Variants in ARPC2 observed in about 807,000 individuals in gnomAD.
ARPC2 encodes the protein actin related protein 2/3 complex subunit 2.
Under a neutral mutation model 38.6 loss-of-function variants are expected in ARPC2, and 4 were observed. That is an observed-to-expected ratio of 0.10 (90% confidence interval 0.05 to 0.24). ARPC2 has a LOEUF of 0.24. Among genes scored for constraint, ARPC2 ranks in the 10% least tolerant of loss-of-function variants. ARPC2 has a pLI of 1.00. For synonymous variants in ARPC2, 125 were observed against 140.8 expected (o/e 0.89, Z 0.79); for missense variants, 229 against 387.3 (o/e 0.59, Z 3.43).
intron 5 of ARPC2, chr2:218,235,642 CAA>C (rs1483187918): frequency 6.6e-6 from 1 of 152,118 alleles, no homozygotes; most frequent in Non-Finnish European, 1.5e-5. Flanking sequence ...AAATCATGTC[CAA>C]AGTCTTGGGC....
intron 3 of ARPC2, chr2:218,227,011 G>C (rs1053446939): frequency 9.9e-5 from 45 of 456,480 alleles, no homozygotes; most frequent in Non-Finnish European, 1.9e-4. Context: ...TGAACTCAGA[G>C]GAATACAACC....
At chr2:218,247,416 A>G (rs1167636347) in intron 8 of ARPC2, among the ~76,000 whole-genome samples, 1 of 152,210 alleles carries the variant, frequency 6.6e-6, no homozygotes, top group African/African-American at 2.4e-5. Flanking sequence ...GTAAAGGTGA[A>G]CCTGTTTATT....
intron 7 of ARPC2, among the ~76,000 whole-genome samples, chr2:218,244,310 A>G (rs6436048): frequency 0.4 from 60,523 of 152,042 alleles, 12,649 homozygotes; most frequent in Middle Eastern, 0.53. Context: ...CTCAGCCATC[A>G]TCTTTCTTTT....
At chr2:218,231,828 G>A (rs1689640148) in intron 4 of ARPC2, among the ~76,000 whole-genome samples, 2 of 152,354 alleles carry the variant, frequency 1.3e-5, no homozygotes, top group South Asian at 4.1e-4. Context: ...GTTCAGCCAG[G>A]CGTGGGGGCT....
chr2:218,222,852 T>C (rs1248180795), intron 2 of ARPC2, among the ~76,000 whole-genome samples: 2 of 152,198 alleles, frequency 1.3e-5, no homozygotes, highest in Admixed American at 6.5e-5. Context: ...AGATATTGAA[T>C]AAGTAACTAC....
chr2:218,224,859 A>G (rs1689460969), intron 2 of ARPC2, among the ~76,000 whole-genome samples: 1 of 152,180 alleles, frequency 6.6e-6, no homozygotes, highest in South Asian at 2.1e-4. Context: ...ATATTCCATT[A>G]TTTCCCAGCA....
At chr2:218,229,788 A>C (rs1374351103) in intron 4 of ARPC2, among the ~76,000 whole-genome samples, 1 of 152,224 alleles carries the variant, frequency 6.6e-6, no homozygotes, top group African/African-American at 2.4e-5. Context: ...CATAAGTTCA[A>C]AGAAAGAAGA....
intron 2 of ARPC2, among the ~76,000 whole-genome samples, chr2:218,222,631 G>A (rs1689409006): frequency 6.6e-6 from 1 of 152,112 alleles, no homozygotes; most frequent in African/African-American, 2.4e-5. Flanking sequence ...CTGATTCAGG[G>A]AATTACCGCA....
At chr2:218,249,276 G>A (rs1690122422) in intron 8 of ARPC2, 88 bp from the exon 9 acceptor site, 3 of 848,894 alleles carry the variant, frequency 3.5e-6, no homozygotes, top group Non-Finnish European at 1.9e-6. Context: ...AAGCAGAGAG[G>A]GAGTGATGTT....
intron 4 of ARPC2, among the ~76,000 whole-genome samples, chr2:218,230,568 G>A (rs1420077869): frequency 6.6e-6 from 1 of 151,878 alleles, no homozygotes; most frequent in East Asian, 1.9e-4. Context: ...CAAAGTGCTG[G>A]GATTATAGAT....
At chr2:218,231,977 C>T (rs1023506160) in intron 4 of ARPC2, among the ~76,000 whole-genome samples, 38 of 151,836 alleles carry the variant, frequency 2.5e-4, no homozygotes, top group South Asian at 4.2e-4. Context: ...CAGTGGCTCA[C>T]GCCTGTAATC....
chr2:218,249,881 G>A lies in ARPC2; in HGVS notation c.838G>A (p.Ala280Thr). The change falls in exon 10 of 11, where the codon GCA becomes ACA. Residue 280 changes from alanine (A) to threonine (T), a missense_variant. Transcript: ENST00000315717. ...TSDFLKVLNR[A>T]RPDAEKKEMK... is the part of the protein sequence containing the mutation. ...TGACTTCCTCAAGGTGCTGAACCGC[G>A]CACGCCCAGATGCCGAGAAAAAAGA... 1.2e-6 allele frequency: 2 copies of A among 1,613,630 alleles called. No individual in the cohort carries two copies. The highest frequency in any genetic ancestry group is 1.7e-6 in the Non-Finnish European group (2 of 1,179,868).
chr2:218,239,926 C>T (rs1310374102), intron 7 of ARPC2, among the ~76,000 whole-genome samples: 1 of 150,898 alleles, frequency 6.6e-6, no homozygotes, highest in East Asian at 2.0e-4. Context: ...TAATAGACAA[C>T]TCCCACAAAA....
intron 5 of ARPC2, 28 bp downstream of exon 5, chr2:218,234,425 ATGACATGGGAAGAGAGGTGTCCT>A: frequency 6.4e-7 from 1 of 1,551,926 alleles, no homozygotes; most frequent in Non-Finnish European, 8.8e-7. Flanking sequence ...CAACTATGGA[ATGACATGGGAAGAGAGGTGTCCT>A]TTTTATATTA....
At chr2:218,242,521 T>G (rs534101222) in intron 7 of ARPC2, among the ~76,000 whole-genome samples, 1 of 152,300 alleles carries the variant, frequency 6.6e-6, no homozygotes, top group African/African-American at 2.4e-5. Flanking sequence ...CTGTAGGATA[T>G]TTTCCTGAAC....
chr2:218,251,834 C>T (rs552715461), intron 10 of ARPC2, among the ~76,000 whole-genome samples: 1 of 152,200 alleles, frequency 6.6e-6, no homozygotes, highest in African/African-American at 2.4e-5. Context: ...CATTTGAGGG[C>T]TCTTCTACCA....
chr2:218,238,590 CTTT>C (rs34654904), intron 5 of ARPC2, 71 bp from the exon 6 acceptor site: 150,707 of 422,734 alleles, frequency 0.36, 11,254 homozygotes, highest in Non-Finnish European at 0.37. Flanking sequence ...TAGTATGCTG[CTTT>C]TTTTTTTTTT....
intron 7 of ARPC2, 93 bp downstream of exon 7, chr2:218,239,577 C>T (rs1375779272): frequency 2.9e-6 from 3 of 1,018,116 alleles, no homozygotes; most frequent in African/African-American, 1.6e-5. Flanking sequence ...GATCTAGCAA[C>T]TCTACTGATG....
intron 8 of ARPC2, among the ~76,000 whole-genome samples, chr2:218,248,524 C>G (rs190025339): frequency 6.6e-6 from 1 of 152,016 alleles, no homozygotes; most frequent in Non-Finnish European, 1.5e-5. Flanking sequence ...GCAGTGGCAC[C>G]GTCTTGGCTC....
Sources: allele counts gnomAD v4.1 joint callset (sites outside exome capture counted in the v4.1 genomes callset), GRCh38; gene constraint gnomAD v4.1.1; transcripts MANE v1.5; gene names NCBI Gene and HGNC (gene_info 2026-07-23, HGNC 2026-07-21).